The following CNTNAP2 variants were observed in gnomAD, a reference collection of about 807,000 sequenced individuals.
CNTNAP2 encodes contactin-associated protein-like 2.
Under a neutral mutation model 155.2 loss-of-function variants are expected in CNTNAP2, and 98 were observed. That is an observed-to-expected ratio of 0.63 (90% confidence interval 0.54 to 0.75). CNTNAP2 has a LOEUF of 0.75. CNTNAP2 is among the 30% of genes least tolerant of loss of function. The pLI, the probability that CNTNAP2 is intolerant of heterozygous loss-of-function variation, is 0.00. For missense variants in CNTNAP2, 1,727 were observed against 1,688.1 expected, an observed-to-expected ratio of 1.02 and a Z score of -0.40; for synonymous variants, 651 against 631.2, an observed-to-expected ratio of 1.03 and a Z score of -0.47.
chr7:147,472,913 T>A (rs922353772), intron 10 of CNTNAP2, among the ~76,000 whole-genome samples: 4 of 152,006 alleles, frequency 2.6e-5, no homozygotes, highest in African/African-American at 7.2e-5. Flanking sequence ...GCAGGTGGAG[T>A]GTCCAAGTTT....
chr7:147,750,031 TATTC>T (rs1797109373), intron 13 of CNTNAP2, among the ~76,000 whole-genome samples: 1 of 152,232 alleles, frequency 6.6e-6, no homozygotes, highest in Admixed American at 6.5e-5. Flanking sequence ...AGATCCTAGA[TATTC>T]ATTCAGTGGA....
intron 1 of CNTNAP2, among the ~76,000 whole-genome samples, chr7:146,196,275 T>G (rs1198529481): frequency 3.3e-5 from 5 of 152,230 alleles, no homozygotes; most frequent in African/African-American, 1.2e-4. Flanking sequence ...TGGAATTACC[T>G]TATTTATTTT....
chr7:148,169,820 T>A (rs911363193), intron 17 of CNTNAP2, among the ~76,000 whole-genome samples: 1 of 141,308 alleles, frequency 7.1e-6, no homozygotes, highest in African/African-American at 2.6e-5. Flanking sequence ...ATTAGCTGGG[T>A]GTGGTGGCGT....
At chr7:146,547,310 G>A (rs1798043737) in intron 1 of CNTNAP2, among the ~76,000 whole-genome samples, 1 of 151,856 alleles carries the variant, frequency 6.6e-6, no homozygotes, top group African/African-American at 2.4e-5. Context: ...CACATTGGAA[G>A]CCATTTTGTT....
chr7:148,151,793 T>A (rs1307249099), intron 17 of CNTNAP2, among the ~76,000 whole-genome samples: 5 of 152,220 alleles, frequency 3.3e-5, no homozygotes, highest in Non-Finnish European at 7.3e-5. Flanking sequence ...AAAGCTCACA[T>A]GCAGAGATGT....
rs944006317 is a variant in CNTNAP2, at chr7:147,937,600, TG to T, written c.2255+33882del. On this transcript the variant is annotated intron_variant, in intron 14 of 23. Transcript: ENST00000361727. ...ATTCTTATTCTCTCTCCATGCGGCA[TG>T]GGCACTCTCTCTCCTGCCTGAGTCA... Among the ~76,000 whole-genome samples the T allele has an allele frequency of 4.6e-5, 7 of 152,226 alleles. No homozygotes were observed. In the East Asian group the frequency reaches 1.4e-3, roughly 30 times the overall value.
chr7:146,872,495 A>G (rs1322824985), intron 3 of CNTNAP2, among the ~76,000 whole-genome samples: 2 of 152,248 alleles, frequency 1.3e-5, no homozygotes. Context: ...CAGCTGAAAG[A>G]CCTACAAAGA....
chr7:146,486,745 T>A (rs1352127253), intron 1 of CNTNAP2, among the ~76,000 whole-genome samples: 1 of 152,222 alleles, frequency 6.6e-6, no homozygotes, highest in Non-Finnish European at 1.5e-5. Context: ...GGAGGCATAT[T>A]CTTTTGGGAG....
At chr7:148,151,426 C>T (rs1431523976) in intron 17 of CNTNAP2, among the ~76,000 whole-genome samples, 2 of 152,092 alleles carry the variant, frequency 1.3e-5, no homozygotes, top group Non-Finnish European at 2.9e-5. Context: ...CTCTCTCGGC[C>T]TCCTGTGTAG....
chr7:146,410,559 T>C (rs1795851471), intron 1 of CNTNAP2, among the ~76,000 whole-genome samples: 1 of 152,148 alleles, frequency 6.6e-6, no homozygotes, highest in Admixed American at 6.5e-5. Context: ...TAGGTAAACT[T>C]GTGTCATGGG....
At chr7:147,920,913 A>C (rs898471616) in intron 14 of CNTNAP2, among the ~76,000 whole-genome samples, 3 of 149,138 alleles carry the variant, frequency 2.0e-5, no homozygotes, top group Admixed American at 6.8e-5. Context: ...GGGTTCAAGC[A>C]ATTCTCCTGC....
intron 3 of CNTNAP2, among the ~76,000 whole-genome samples, chr7:147,009,446 G>A (rs1036353613): frequency 6.6e-6 from 1 of 152,120 alleles, no homozygotes; most frequent in East Asian, 1.9e-4. Context: ...GACTTAGTCC[G>A]ATATGTGCAT....
At chr7:148,256,092 A>C (rs1796448804) in intron 20 of CNTNAP2, among the ~76,000 whole-genome samples, 1 of 152,214 alleles carries the variant, frequency 6.6e-6, no homozygotes, top group Non-Finnish European at 1.5e-5. Context: ...GAGATGTTTT[A>C]GTACATACGG....
Position 146,975,945 on chromosome 7 carries a change from T to A in CNTNAP2, c.403-67962T>A, listed in dbSNP as rs145174262. ...GATCCTGTAAGGGAGCTAAATTTCT[T>A]ACCTTTCATGGCATAGAGTCAACCA... On this transcript the variant is annotated intron_variant, in intron 3 of 23. Transcript: ENST00000361727. Among the ~76,000 whole-genome samples, 6 of 152,292 alleles carry A rather than the reference T, an allele frequency of 3.9e-5. No individual in the cohort carries two copies. The East Asian group carries it at 1.2e-3, about 29-fold the overall frequency.
intron 1 of CNTNAP2, among the ~76,000 whole-genome samples, chr7:146,291,545 C>T (rs1428805261): frequency 2.0e-5 from 3 of 152,080 alleles, no homozygotes; most frequent in African/African-American, 4.8e-5. Flanking sequence ...GCTACTTAGA[C>T]CTTCACAGAA....
intron 3 of CNTNAP2, among the ~76,000 whole-genome samples, chr7:146,972,625 G>C (rs1448890657): frequency 6.6e-6 from 1 of 152,124 alleles, no homozygotes; most frequent in African/African-American, 2.4e-5. Flanking sequence ...CACTGCGTCT[G>C]CCTTTGTGGG....
chr7:146,557,813 C>T (rs1167399459), intron 1 of CNTNAP2, among the ~76,000 whole-genome samples: 1 of 152,104 alleles, frequency 6.6e-6, no homozygotes, highest in African/African-American at 2.4e-5. Flanking sequence ...TTGTTGTTTA[C>T]AATTGATACA....
At chr7:147,243,586 A>T (rs1402685036) in intron 8 of CNTNAP2, among the ~76,000 whole-genome samples, 1 of 152,176 alleles carries the variant, frequency 6.6e-6, no homozygotes, top group Non-Finnish European at 1.5e-5. Context: ...CTACAAATCA[A>T]CTTGATTCAA....
intron 10 of CNTNAP2, among the ~76,000 whole-genome samples, chr7:147,480,358 C>A (rs1045144568): frequency 1.3e-5 from 2 of 152,110 alleles, no homozygotes; most frequent in African/African-American, 4.8e-5. Context: ...TATTTAATGT[C>A]CAGGTGTAAA....
Sources: allele counts gnomAD v4.1 joint callset (sites outside exome capture counted in the v4.1 genomes callset), GRCh38; gene constraint gnomAD v4.1.1; transcripts MANE v1.5; gene names NCBI Gene and HGNC (gene_info 2026-07-23, HGNC 2026-07-21).